The following ANKRD36B variants were observed in gnomAD, a reference collection of about 807,000 sequenced individuals.
ANKRD36B encodes the protein ankyrin repeat domain-containing protein 36B.
In ANKRD36B, 37 loss-of-function variants were observed where a neutral mutation model predicts 135.7. That is an observed-to-expected ratio of 0.27 (90% CI 0.21 to 0.36). The LOEUF (loss-of-function observed/expected upper bound fraction) is 0.36. Among genes scored for constraint, ANKRD36B ranks in the 10% least tolerant of loss-of-function variants. ANKRD36B has a pLI of 1.00. For missense variants in ANKRD36B, 549 were observed against 1,037.1 expected (o/e 0.53, Z 6.46); for synonymous variants, 179 against 348.1 (o/e 0.51, Z 5.41).
At position 97,533,732 on chromosome 2, in the gene ANKRD36B, A is replaced by C. The variant is rs1189878358; in HGVS notation, c.2192-1348T>G. On this transcript the variant is annotated intron_variant, in intron 34 of 43. Transcript: ENST00000359901. ...GCCCTGTCAAGAACTTTCTGAATCC[A>C]CTCATGCAAGAAGATATGTAAACCA... 1.4e-4 allele frequency among the ~76,000 whole-genome samples: 13 copies of C among 94,654 alleles called. 4 individuals are homozygous for C. The East Asian group carries it at 3.0e-3, about 22-fold the overall frequency. 62.1% of individuals were successfully genotyped at this position (94,654 alleles called of 152,430 possible). A position where few individuals can be genotyped will look rare whatever the true frequency, so the allele number is the denominator to read the frequency against.
At chr2:97,585,559 T>C (rs572494302) in intron 1 of ANKRD36B, among the ~76,000 whole-genome samples, 161 bp from the exon 2 acceptor site, 2 of 152,386 alleles carry the variant, frequency 1.3e-5, no homozygotes, top group Non-Finnish European at 2.9e-5. Context: ...GGCTATTTAA[T>C]AGAAAAGGCT....
intron 35 of ANKRD36B, among the ~76,000 whole-genome samples, chr2:97,528,067 C>A (rs1167550294): frequency 2.1e-5 from 2 of 95,774 alleles, no homozygotes; most frequent in African/African-American, 6.3e-5. Flanking sequence ...TAGACATCTA[C>A]AGAACTCTCC....
At chr2:97,588,131 T>C (rs566293237) in intron 1 of ANKRD36B, among the ~76,000 whole-genome samples, 4 of 152,126 alleles carry the variant, frequency 2.6e-5, no homozygotes, top group South Asian at 4.2e-4. Flanking sequence ...TAGGCATTTG[T>C]GTTTTTTTCT....
intron 10 of ANKRD36B, 110 bp from the exon 11 acceptor site, chr2:97,557,242 G>A (rs2080615512): frequency 2.1e-6 from 3 of 1,446,126 alleles, no homozygotes; most frequent in African/African-American, 2.9e-5. Flanking sequence ...CACTAGTGTA[G>A]GATTTGATGT....
chr2:97,553,406 G>A (rs2080238107), intron 14 of ANKRD36B, 35 bp from the exon 15 acceptor site: 12 of 1,589,716 alleles, frequency 7.5e-6, no homozygotes, highest in Middle Eastern at 2.3e-4. Context: ...TCACTCATAT[G>A]TAAATATGAT....
rs201386821 is a variant in ANKRD36B at position 97,576,414 on chromosome 2, T to C, written c.728A>G (p.Lys243Arg). ...ATTTATAGGAAGATCTTCATATCTC[T>C]TTCTTTTGTATTCATAAATTAGATC... ...IFDLIYEYKR[K>R]RYEDLPINSN... is the part of the protein sequence containing the mutation. The change falls in exon 6 of 44, where the codon AAG becomes AGG. Residue 243 changes from lysine to arginine, a missense_variant. Lys to Arg is a conservative substitution (Grantham distance 26, BLOSUM62 2). Coordinates refer to ENST00000359901, the MANE Select transcript of ANKRD36B (RefSeq NM_001393939.1). 118 of 1,323,742 alleles carry C rather than the reference T, an allele frequency of 8.9e-5. No individual in the cohort carries two copies. Among genetic ancestry groups the C allele is most frequent in the South Asian group, 4.1e-4 (29 of 71,262 alleles). 82.0% of individuals were successfully genotyped at this position (1,323,742 alleles called of 1,614,324 possible). A position where few individuals can be genotyped will look rare whatever the true frequency, so the allele number is the denominator to read the frequency against.
intron 10 of ANKRD36B, among the ~76,000 whole-genome samples, chr2:97,558,441 T>G (rs1355376592): frequency 6.6e-6 from 1 of 151,964 alleles, no homozygotes; most frequent in Middle Eastern, 3.2e-3. Context: ...TTTCTCCATC[T>G]GTTTTTAGCA....
chr2:97,550,057 A>G (rs556090420), intron 18 of ANKRD36B, among the ~76,000 whole-genome samples: 6 of 151,748 alleles, frequency 4.0e-5, no homozygotes, highest in Admixed American at 2.6e-4. Flanking sequence ...AAATTGCCCA[A>G]TAACTGAGAA....
chr2:97,547,470 A>G, intron 22 of ANKRD36B, 66 bp downstream of exon 22: 1 of 1,460,682 alleles, frequency 6.8e-7, no homozygotes, highest in East Asian at 2.4e-5. Context: ...CCGCAGATTT[A>G]TTCAGGGAAG....
chr2:97,559,159 T>C (rs1328494788), intron 8 of ANKRD36B, among the ~76,000 whole-genome samples, 165 bp from the exon 9 acceptor site: 2 of 151,634 alleles, frequency 1.3e-5, no homozygotes, highest in East Asian at 3.9e-4. Context: ...AGAAATACAC[T>C]GAAAAAAAAG....
intron 6 of ANKRD36B, among the ~76,000 whole-genome samples, chr2:97,570,523 A>G (rs1433987411): frequency 1.3e-5 from 2 of 152,154 alleles, no homozygotes; most frequent in African/African-American, 4.8e-5. Flanking sequence ...GAATTTTTGT[A>G]TATGTGTGAG....
intron 14 of ANKRD36B, among the ~76,000 whole-genome samples, 181 bp downstream of exon 14, chr2:97,554,879 A>G (rs1209067933): frequency 6.6e-6 from 1 of 151,890 alleles, no homozygotes; most frequent in African/African-American, 2.4e-5. Context: ...TCTTACTGTG[A>G]AGATCATGTC....
chr2:97,551,412 T>C (rs377458299), intron 17 of ANKRD36B, 40 bp downstream of exon 17: 33 of 1,605,822 alleles, frequency 2.1e-5, no homozygotes, highest in Non-Finnish European at 2.6e-5. Context: ...TCATAGGCTA[T>C]ACGTTTACTA....
At chr2:97,526,786 C>T (rs2078238966) in intron 35 of ANKRD36B, among the ~76,000 whole-genome samples, 1 of 96,468 alleles carries the variant, frequency 1.0e-5, no homozygotes, top group South Asian at 2.4e-4. Context: ...ATGCGATCAA[C>T]TGGAAGAAAG....
intron 34 of ANKRD36B, among the ~76,000 whole-genome samples, chr2:97,535,461 A>G (rs2078823717): frequency 1.1e-5 from 1 of 90,196 alleles, no homozygotes; most frequent in Admixed American, 9.9e-5. Flanking sequence ...CAATTTACTC[A>G]TTAAAATTAA....
intron 16 of ANKRD36B, 56 bp from the exon 17 acceptor site, chr2:97,551,536 A>T: frequency 6.2e-7 from 1 of 1,603,950 alleles, no homozygotes; most frequent in Non-Finnish European, 8.5e-7. Flanking sequence ...AAAGTTATCC[A>T]TACATTCATG....
chr2:97,560,426 G>T (rs1428673565), intron 8 of ANKRD36B, among the ~76,000 whole-genome samples: 2 of 151,796 alleles, frequency 1.3e-5, no homozygotes, highest in Non-Finnish European at 2.9e-5. Context: ...GTGTTGAACT[G>T]CTCTCCAATG....
chr2:97,571,218 CCTGTAGTCCCAACTA>C (rs1281216475), intron 6 of ANKRD36B, among the ~76,000 whole-genome samples: 10 of 152,180 alleles, frequency 6.6e-5, no homozygotes, highest in Non-Finnish European at 1.3e-4. Context: ...ATGACACGCA[CCTGTAGTCCCAACTA>C]CTCCAACGGC....
At chr2:97,566,837 GAC>G in intron 6 of ANKRD36B, among the ~76,000 whole-genome samples, 1 of 152,062 alleles carries the variant, frequency 6.6e-6, no homozygotes, top group Non-Finnish European at 1.5e-5. Context: ...AGATTTCTGT[GAC>G]CAAATATGTA....
Sources: allele counts gnomAD v4.1 joint callset (sites outside exome capture counted in the v4.1 genomes callset), GRCh38; gene constraint gnomAD v4.1.1; transcripts MANE v1.5; gene names NCBI Gene and HGNC (gene_info 2026-07-23, HGNC 2026-07-21).